KIF1A: variants seen among roughly 807,000 people sequenced by gnomAD.
KIF1A encodes the protein kinesin-like protein KIF1A.
KIF1A carries 46 observed loss-of-function variants against 227.3 expected under a neutral mutation model. The observed-to-expected ratio is 0.20, with a 90% confidence interval of 0.16 to 0.26. The LOEUF is 0.26. Ranked by LOEUF, KIF1A falls within the 10% of genes least tolerant of loss-of-function variation. The pLI is 1.00. For synonymous variants in KIF1A, 1,022 were observed against 1,012.8 expected (o/e 1.01, Z -0.17); for missense variants, 1,683 against 2,485.9 (o/e 0.68, Z 6.87).
chr2:240,798,891 G>T (rs1575656394), intron 1 of KIF1A, among the ~76,000 whole-genome samples: 1 of 152,352 alleles, frequency 6.6e-6, no homozygotes, highest in Non-Finnish European at 1.5e-5. Flanking sequence ...GCTCTAGGGT[G>T]CCCACTCAGT....
intron 27 of KIF1A, among the ~76,000 whole-genome samples, chr2:240,755,023 T>C (rs1028969275): frequency 1.3e-5 from 2 of 152,124 alleles, no homozygotes; most frequent in African/African-American, 4.8e-5. Flanking sequence ...CGCCCTGCTC[T>C]CTCTGCAGCT....
At chr2:240,782,487 C>T (rs1027972224) in intron 10 of KIF1A, 103 bp downstream of exon 10, 5 of 1,260,712 alleles carry the variant, frequency 4.0e-6, no homozygotes, top group African/African-American at 1.5e-5. Flanking sequence ...CATCTCCCAG[C>T]GCACTCACTG....
chr2:240,791,249 A>G (rs889099816), intron 2 of KIF1A, among the ~76,000 whole-genome samples: 3 of 152,118 alleles, frequency 2.0e-5, no homozygotes, highest in Non-Finnish European at 2.9e-5. Context: ...CCGCCTCCAG[A>G]ACCCTAGCAC....
chr2:240,819,755 G>T (rs1348450012), intron 1 of KIF1A, among the ~76,000 whole-genome samples: 1 of 152,118 alleles, frequency 6.6e-6, no homozygotes, highest in Non-Finnish European at 1.5e-5. Flanking sequence ...CAGGGAAGCG[G>T]AATAGCCGGG....
rs760440763 is a variant in KIF1A, at chr2:240,758,487, C to T, written c.2455G>A (p.Asp819Asn). Residue 819 changes from aspartate (D) to asparagine (N), a missense_variant, in exon 26 of 49, where the codon GAC (aspartate) becomes AAC (asparagine). Asp to Asn is a conservative substitution (Grantham distance 23, BLOSUM62 1). This residue lies in a region of KIF1A where 759 missense variants were observed against 1,020.2 expected (regional missense o/e 0.74). Transcript: ENST00000498729. The surrounding 1 kb of genome is among the most constrained non-coding windows in gnomAD (Gnocchi z 5.2). ...WTLEKLRQRLDLMREMYDRAA... is the reference protein window; with the variant it reads ...WTLEKLRQRLNLMREMYDRAA... ...CGGTCGTACATCTCCCGCATCAGGT[C>T]CAGACGCTGCCTGCAGGGACGGCAG... The T allele has an allele frequency of 1.9e-6, 3 of 1,588,238 alleles. No homozygotes were observed. The highest frequency in any genetic ancestry group is 4.5e-5 in the East Asian group (2 of 44,062).
intron 10 of KIF1A, among the ~76,000 whole-genome samples, chr2:240,781,463 C>CCACACA (rs34158686): frequency 7.0e-5 from 2 of 28,600 alleles, no homozygotes; most frequent in South Asian, 7.6e-4. Flanking sequence ...ACACACAGCT[C>CCACACA]CACACACACA....
chr2:240,750,497 C>G lies in KIF1A; in HGVS notation c.2909G>C (p.Arg970Pro). The change falls in exon 28 of 49, where the codon CGT becomes CCT. Residue 970 changes from arginine (R) to proline (P), a missense_variant. Arg to Pro is a moderately radical substitution (Grantham distance 103). Around this residue, in one of 12 missense-constraint regions of KIF1A, gnomAD observed 759 missense variants for 1,020.2 expected, o/e 0.74. Transcript: ENST00000498729. ...NLLYPVPLVH[R>P]VAIVSEKGEV... The stretch of plus-strand genomic sequence containing the variant: ...GCCCTTCTCGCTGACGATTGCCACA[C>G]GGTGTACCAGGGGAACGGGGTACAG... 1 of 1,613,930 alleles carries G rather than the reference C, an allele frequency of 6.2e-7. No homozygotes were observed. The highest frequency in any genetic ancestry group is 1.1e-5 in the South Asian group (1 of 91,082).
In KIF1A at chr2:240,718,055, G is replaced by T; in HGVS notation, c.5328C>A (p.Thr1776=). The T allele has an allele frequency of 6.2e-7, 1 of 1,605,030 alleles. No homozygotes were observed. ...LYAFNPLLAG[T]IRSKLSRRRS... is the part of the protein sequence containing the mutation. ...CGCCCTGCAGGCGGCCCTACCGTAT[G>T]GTCCCGGCCAGGAGGGGGTTGAAGG... Residue 1776 remains threonine, a synonymous_variant, in exon 48 of 49, where the codon ACC becomes ACA. Coordinates refer to ENST00000498729, the MANE Select transcript of KIF1A (RefSeq NM_001244008.2).
chr2:240,775,831 G>A lies in KIF1A; in HGVS notation c.958+20C>T, dbSNP rs752230151. ...GGTGGGATCAGAGCCCTGGGGACAGGCAAACCCACAAGTTCTCACCCAGGT... is the reference window on the plus strand; with the variant it reads ...GGTGGGATCAGAGCCCTGGGGACAGACAAACCCACAAGTTCTCACCCAGGT... On this transcript the variant is annotated intron_variant, in intron 11 of 48. Coordinates refer to ENST00000498729, the MANE Select transcript of KIF1A (RefSeq NM_001244008.2). This position sits in a 1 kb window ranked among gnomAD's most constrained non-coding sequence, Gnocchi z 5.5. 1 of 1,561,292 alleles carries A rather than the reference G, an allele frequency of 6.4e-7. No individual in the cohort carries two copies. The highest frequency in any genetic ancestry group is 1.1e-5 in the South Asian group (1 of 90,040).
At chr2:240,764,641 T>G (rs1575592190) in intron 20 of KIF1A, among the ~76,000 whole-genome samples, 1 of 152,048 alleles carries the variant, frequency 6.6e-6, no homozygotes, top group Admixed American at 6.5e-5. Flanking sequence ...TCTCCCCTGT[T>G]CCAAGCCAAT....
At chr2:240,749,089 T>C (rs954478212) in intron 28 of KIF1A, among the ~76,000 whole-genome samples, 1 of 150,674 alleles carries the variant, frequency 6.6e-6, no homozygotes, top group African/African-American at 2.5e-5. Flanking sequence ...ATCCAGCCAC[T>C]GCACTCCAGC....
intron 27 of KIF1A, among the ~76,000 whole-genome samples, chr2:240,751,722 C>A (rs2049232084): frequency 6.6e-6 from 1 of 152,166 alleles, no homozygotes; most frequent in South Asian, 2.1e-4. Flanking sequence ...AAGCTCCTTG[C>A]AGGGGTGTCC....
chr2:240,785,119 C>T lies in KIF1A; in HGVS notation c.609-19G>A, dbSNP rs375480474. On this transcript the variant is annotated intron_variant, in intron 6 of 48. Coordinates refer to ENST00000498729, the MANE Select transcript of KIF1A (RefSeq NM_001244008.2). ...CACGGTCCTGAGGAGCAGAAAGCCA[C>T]GCACGGTTACCCCTCGTCCTGTGGC... The T allele has an allele frequency of 1.3e-5, 20 of 1,596,532 alleles. 1 individual carries two copies. The highest frequency in any genetic ancestry group is 1.7e-4 in the Middle Eastern group (1 of 5,868).
intron 15 of KIF1A, among the ~76,000 whole-genome samples, chr2:240,770,605 G>A (rs912853680): frequency 2.6e-5 from 4 of 152,218 alleles, no homozygotes; most frequent in Non-Finnish European, 5.9e-5. Context: ...GACTCGACAG[G>A]AAGAGTCTCA....
At chr2:240,777,146 C>T (rs1164120722) in intron 10 of KIF1A, among the ~76,000 whole-genome samples, 2 of 152,154 alleles carry the variant, frequency 1.3e-5, no homozygotes, top group South Asian at 4.1e-4. Flanking sequence ...CGGGTTCAAG[C>T]GATTCTCATG....
chr2:240,796,383 T>A (rs1313467592), intron 2 of KIF1A, among the ~76,000 whole-genome samples: 1 of 152,090 alleles, frequency 6.6e-6, no homozygotes, highest in African/African-American at 2.4e-5. Context: ...AACCGGTAGG[T>A]GCATTGTGTT....
At chr2:240,818,396 C>G (rs2058477637) in intron 1 of KIF1A, among the ~76,000 whole-genome samples, 1 of 152,168 alleles carries the variant, frequency 6.6e-6, no homozygotes, top group African/African-American at 2.4e-5. Flanking sequence ...CCAGAGGGTT[C>G]CTGGGTCTTG....
At position 240,797,832 on chromosome 2, in the gene KIF1A, T is replaced by C; in HGVS notation, c.-60-20A>G. 1 of 854,610 alleles carries C rather than the reference T, an allele frequency of 1.2e-6. No homozygotes were observed. The highest frequency in any genetic ancestry group is 1.9e-6 in the Non-Finnish European group (1 of 540,510). 52.9% of individuals were successfully genotyped at this position (854,610 alleles called of 1,614,324 possible). A position where few individuals can be genotyped will look rare whatever the true frequency, so the allele number is the denominator to read the frequency against. ...GAACACCTTGGAAAAAAGGGAAACA[T>C]GAATTAGAAACAATATCTGAGGAGG... On this transcript the variant is annotated intron_variant, in intron 1 of 48. Transcript: ENST00000498729.
intron 2 of KIF1A, among the ~76,000 whole-genome samples, chr2:240,797,433 C>T (rs1423826957): frequency 6.6e-6 from 1 of 152,194 alleles, no homozygotes; most frequent in Non-Finnish European, 1.5e-5. Context: ...GACTTCTGGC[C>T]TCCACAGCTG....
Sources: allele counts gnomAD v4.1 joint callset (sites outside exome capture counted in the v4.1 genomes callset), GRCh38; gene constraint gnomAD v4.1.1; regional missense constraint gnomAD v4.1.1; non-coding constraint Gnocchi (gnomAD v3.1); transcripts MANE v1.5; gene names NCBI Gene and HGNC (gene_info 2026-07-23, HGNC 2026-07-21).